MKRN1: variants seen among roughly 807,000 people sequenced by gnomAD.
MKRN1 encodes makorin ring finger protein 1.
In MKRN1, 9 loss-of-function variants were observed where a neutral mutation model predicts 55.5. The ratio of observed to expected loss-of-function variants is 0.16; its 90% CI spans 0.10 to 0.28. The LOEUF (loss-of-function observed/expected upper bound fraction) is 0.28. Ranked by LOEUF, MKRN1 falls within the 10% of genes least tolerant of loss-of-function variation. The probability of loss-of-function intolerance (pLI) is 1.00; values close to 1 mark genes in which losing one functional copy is unlikely to be tolerated. For missense variants in MKRN1, 488 were observed against 626.7 expected (o/e 0.78, Z 2.36); for synonymous variants, 253 against 235.9 (o/e 1.07, Z -0.66).
chr7:140,460,885 T>C (rs760354763), intron 2 of MKRN1, among the ~76,000 whole-genome samples: 1 of 152,254 alleles, frequency 6.6e-6, no homozygotes, highest in Non-Finnish European at 1.5e-5. Context: ...GTGTAGGCAC[T>C]ATTTAAAGGA....
chr7:140,461,731 C>A (rs11974988), intron 2 of MKRN1, among the ~76,000 whole-genome samples: 1,525 of 152,270 alleles, frequency 0.01, 26 homozygotes, highest in African/African-American at 0.034. Flanking sequence ...GGCCTGTAAT[C>A]CCAGCACTTT....
rs750041308 is a variant in MKRN1 at position 140,459,153 on chromosome 7, T to C, written c.625A>G (p.Thr209Ala). 2 of 1,613,932 alleles carry C rather than the reference T, an allele frequency of 1.2e-6. No individual in the cohort carries two copies. The highest frequency in any genetic ancestry group is 3.3e-5 in the Admixed American group (2 of 60,000). ...ESEKEQTAVETKKQLCPYAAV... is the reference protein window; with the variant it reads ...ESEKEQTAVEAKKQLCPYAAV... ...GCATAGGGGCACAGCTGCTTCTTTG[T>C]CTCCACGGCGGTTTGCTCTTTCTCT... The change falls in exon 4 of 8, where the codon ACA becomes GCA. Residue 209 changes from threonine to alanine, a missense_variant. Transcript: ENST00000255977.
chr7:140,477,333 G>T lies in MKRN1; in HGVS notation c.185+1827C>A, dbSNP rs63284260. Among the ~76,000 whole-genome samples the T allele has an allele frequency of 3.1e-4, 28 of 89,536 alleles. No individual in the cohort carries two copies. In the South Asian group the frequency reaches 4.5e-3, roughly 14 times the overall value. 58.7% of individuals were successfully genotyped at this position (89,536 alleles called of 152,430 possible). On this transcript the variant is annotated intron_variant, in intron 1 of 7. Coordinates refer to ENST00000255977, the MANE Select transcript of MKRN1 (RefSeq NM_013446.4). Reference sequence around the variant, plus strand: ...TTTCTTTTCTTTCTTTTTCTTTTTTGTTTTTCTTCTGACAGAGTTTCACTT... The same window carrying T: ...TTTCTTTTCTTTCTTTTTCTTTTTTTTTTTTCTTCTGACAGAGTTTCACTT...
At chr7:140,466,955 A>G (rs891491661) in intron 2 of MKRN1, among the ~76,000 whole-genome samples, 12 of 151,222 alleles carry the variant, frequency 7.9e-5, no homozygotes, top group Non-Finnish European at 1.3e-4. Context: ...ACAACAAACC[A>G]ATTAAGGTTC....
intron 1 of MKRN1, among the ~76,000 whole-genome samples, chr7:140,472,661 T>C (rs1199561344): frequency 1.3e-5 from 2 of 151,316 alleles, no homozygotes. Context: ...GTGCTGAGAT[T>C]ACAAGCGTGA....
At chr7:140,468,489 T>C (rs1794832510) in intron 2 of MKRN1, among the ~76,000 whole-genome samples, 1 of 150,026 alleles carries the variant, frequency 6.7e-6, no homozygotes, top group Non-Finnish European at 1.5e-5. Context: ...TCACCTGAGG[T>C]CAGGAGTTTG....
chr7:140,474,396 C>T (rs956107605), intron 1 of MKRN1: 1 of 338,148 alleles, frequency 3.0e-6, no homozygotes, highest in Non-Finnish European at 6.0e-6. Flanking sequence ...GTCCCAGCTA[C>T]TTGGGAGGCT....
intron 1 of MKRN1, among the ~76,000 whole-genome samples, chr7:140,476,352 A>T (rs1457365347): frequency 6.6e-6 from 1 of 151,638 alleles, no homozygotes; most frequent in Non-Finnish European, 1.5e-5. Context: ...GCCGGGCGTA[A>T]TCCCACCTAC....
intron 5 of MKRN1, 184 bp downstream of exon 5, chr7:140,456,468 A>G (rs1794469100): frequency 7.0e-7 from 1 of 1,425,238 alleles, no homozygotes; most frequent in African/African-American, 1.4e-5. Flanking sequence ...TTCAAATAAA[A>G]GTAGATAGAC....
chr7:140,459,682 T>C (rs1476973001), intron 3 of MKRN1, 25 bp downstream of exon 3: 2 of 1,603,810 alleles, frequency 1.2e-6, no homozygotes, highest in Non-Finnish European at 1.7e-6. Flanking sequence ...CCTCTAACTC[T>C]TATTTTCTTC....
At chr7:140,474,979 A>G (rs1053070434) in intron 1 of MKRN1, among the ~76,000 whole-genome samples, 1 of 151,630 alleles carries the variant, frequency 6.6e-6, no homozygotes, top group African/African-American at 2.4e-5. Context: ...TTGGCCTCCC[A>G]AAGTACTAGA....
intron 1 of MKRN1, among the ~76,000 whole-genome samples, chr7:140,476,201 CAT>C (rs1164753077): frequency 6.6e-6 from 1 of 152,094 alleles, no homozygotes; most frequent in African/African-American, 2.4e-5. Flanking sequence ...ACCTAGCAAA[CAT>C]ATTGAAAATG....
intron 2 of MKRN1, among the ~76,000 whole-genome samples, chr7:140,467,988 G>A (rs1216354633): frequency 5.6e-5 from 7 of 125,556 alleles, no homozygotes; most frequent in African/African-American, 2.3e-4. Flanking sequence ...GGCAACAAGA[G>A]CGAAATTCTG....
chr7:140,467,865 G>C (rs1794816547), intron 2 of MKRN1, among the ~76,000 whole-genome samples: 1 of 151,962 alleles, frequency 6.6e-6, no homozygotes, highest in Non-Finnish European at 1.5e-5. Context: ...AGCTGGGCAT[G>C]GTGGCACATG....
intron 2 of MKRN1, among the ~76,000 whole-genome samples, chr7:140,468,868 C>A (rs2130324602): frequency 6.6e-6 from 1 of 152,010 alleles, no homozygotes; most frequent in East Asian, 1.9e-4. Flanking sequence ...TGAACTTCTA[C>A]ACAGTCATTT....
intron 6 of MKRN1, 139 bp from the exon 7 acceptor site, chr7:140,455,372 A>G: frequency 9.4e-7 from 1 of 1,067,786 alleles, no homozygotes; most frequent in Non-Finnish European, 1.3e-6. Context: ...GTTCTTATAA[A>G]CATGTGTGTG....
chr7:140,455,031 A>G (rs1794426694), intron 7 of MKRN1, 64 bp downstream of exon 7: 4 of 1,584,894 alleles, frequency 2.5e-6, no homozygotes, highest in Admixed American at 1.7e-5. Flanking sequence ...CCCTACCCCA[A>G]TATGTGCAGG....
intron 6 of MKRN1, chr7:140,455,462 C>A: frequency 1.7e-6 from 1 of 575,220 alleles, no homozygotes; most frequent in Non-Finnish European, 3.1e-6. Context: ...CAAGCAGATG[C>A]CATAGAGAGA....
At chr7:140,458,450 T>C (rs1288488948) in intron 4 of MKRN1, among the ~76,000 whole-genome samples, 2 of 152,132 alleles carry the variant, frequency 1.3e-5, no homozygotes, top group African/African-American at 4.8e-5. Flanking sequence ...ATGTCCACAA[T>C]AGGCCAATCC....
Sources: gnomAD v4.1 joint callset for allele counts (sites outside exome capture counted in the v4.1 genomes callset) on GRCh38, gnomAD v4.1.1 for gene constraint, MANE v1.5 for transcripts, NCBI Gene and HGNC (gene_info 2026-07-23, HGNC 2026-07-21) for gene names.